AP1G2: variants seen among roughly 807,000 people sequenced by gnomAD.
AP1G2 encodes the protein adaptor related protein complex 1 subunit gamma 2.
AP1G2 carries 85 observed loss-of-function variants against 95.8 expected under a neutral mutation model. The observed-to-expected ratio is 0.89, with a 90% confidence interval of 0.74 to 1.06. The LOEUF (loss-of-function observed/expected upper bound fraction) is 1.06. Ranked by LOEUF, AP1G2 falls within the 50% of genes least tolerant of loss-of-function variation. The pLI, the probability that AP1G2 is intolerant of heterozygous loss-of-function variation, is 0.00. For missense variants in AP1G2, 967 were observed against 1,005.8 expected (o/e 0.96, Z 0.52); for synonymous variants, 378 against 400.0 (o/e 0.94, Z 0.66).
chr14:23,566,682 T>G lies in AP1G2; in HGVS notation c.209A>C (p.Glu70Ala). 1 of 1,614,094 alleles carries G rather than the reference T, an allele frequency of 6.2e-7. No homozygotes were observed. Among genetic ancestry groups the G allele is most frequent in the Non-Finnish European group, 8.5e-7 (1 of 1,179,984 alleles). ...GGAGGAGGCGATCAGTTTCAGGCAC[T>G]CCATCTATAGTGAAGGGGGCAGACC... ...LGYPAHFGQM[E>A]CLKLIASSRF... The change falls in exon 3 of 22, where the codon GAG becomes GCG. Residue 70 changes from glutamate to alanine, a missense_variant. Coordinates refer to ENST00000397120, the MANE Select transcript of AP1G2 (RefSeq NM_003917.5).
At position 23,564,238 on chromosome 14, in the gene AP1G2, GATA is replaced by G. The variant is rs1886616246; in HGVS notation, c.978-82_978-80del. On this transcript the variant is annotated intron_variant, in intron 10 of 21. Transcript: ENST00000397120. The stretch of plus-strand genomic sequence containing the variant: ...CGTCCTGTCCTGGGTATAGGGATAA[GATA>G]AGAGAGAAATGGATCAGGAGGCTCT... 8 of 1,612,880 alleles carry G rather than the reference GATA, an allele frequency of 5.0e-6. No homozygotes were observed. In the Admixed American group the frequency reaches 1.3e-4, roughly 27 times the overall value.
intron 16 of AP1G2, 98 bp downstream of exon 16, chr14:23,562,188 AGG>A (rs1885177849): frequency 1.3e-6 from 2 of 1,588,340 alleles, no homozygotes; most frequent in African/African-American, 1.3e-5. Context: ...CCTAAGGGCT[AGG>A]GGGTAGGGAG....
At chr14:23,562,924 A>C (rs1595305976) in intron 14 of AP1G2, 2 of 606,330 alleles carry the variant, frequency 3.3e-6, no homozygotes, top group Non-Finnish European at 5.0e-6. Flanking sequence ...GTGGCCAAGC[A>C]TCAGAACTAC....
rs758236692 is a variant in AP1G2 at position 23,565,629 on chromosome 14, C to T, written c.718G>A (p.Gly240Arg). The change falls in exon 7 of 22, where the codon GGA (glycine) becomes AGA (arginine). Residue 240 changes from glycine to arginine, a missense_variant. Physicochemically the swap from Gly to Arg is moderately radical, Grantham distance 125. Transcript: ENST00000397120. ...ACCTGCAGGAAGGGGTCGCTGACTC[C>T]AGATATGCTGTGTTCTGTGGAGTAT... ...MGYSTEHSISGVSDPFLQVQI... is the reference protein window; with the variant it reads ...MGYSTEHSISRVSDPFLQVQI... The T allele has an allele frequency of 6.2e-7, 1 of 1,614,008 alleles. No homozygotes were observed. The highest frequency in any genetic ancestry group is 1.3e-5 in the African/African-American group (1 of 74,918).
chr14:23,564,045 C>T lies in AP1G2; in HGVS notation c.1091+1G>A, dbSNP rs76134284. The T allele has an allele frequency of 9.5e-4, 1,527 of 1,613,916 alleles. 2 individuals are homozygous for T. The highest frequency in any genetic ancestry group is 1.2e-3 in the Non-Finnish European group (1,388 of 1,180,036). On this transcript the variant is annotated splice_donor_variant, in intron 11 of 21. Coordinates refer to ENST00000397120, the MANE Select transcript of AP1G2 (RefSeq NM_003917.5). LOFTEE classifies it high-confidence loss of function. ...CTCCTGTCCCCTCTATCACTGCTCA[C>T]CGGCTGAGGGAGGCATCAGTTTCCC... is the stretch of plus-strand genomic sequence containing the variant.
At chr14:23,560,920 G>C (rs909026714) in intron 19 of AP1G2, 1 of 248,846 alleles carries the variant, frequency 4.0e-6, no homozygotes, top group African/African-American at 2.3e-5. Context: ...TGACATTTTA[G>C]CTGAAGCCTG....
intron 19 of AP1G2, chr14:23,561,078 G>A (rs1224639340): frequency 7.8e-7 from 1 of 1,284,392 alleles, no homozygotes; most frequent in Non-Finnish European, 9.8e-7. Flanking sequence ...GAAGGGTTGG[G>A]GAGGAAGCAG....
At chr14:23,560,506 A>G (rs539809194) in intron 19 of AP1G2, 88 bp from the exon 20 acceptor site, 1 of 1,386,376 alleles carries the variant, frequency 7.2e-7, no homozygotes, top group East Asian at 2.4e-5. Context: ...GTAAACACCT[A>G]CTGGCCCTGC....
chr14:23,562,578 C>A lies in AP1G2; in HGVS notation c.1426G>T (p.Val476Leu), dbSNP rs777984139. 18 of 1,613,964 alleles carry A rather than the reference C, an allele frequency of 1.1e-5. No individual in the cohort carries two copies. The South Asian group carries it at 2.0e-4, about 18-fold the overall frequency. ...EDISQQPLVQ[V>L]AAWCIGEYGD... is the part of the protein sequence containing the mutation. ...TACTCCCCAATGCACCAGGCTGCCA[C>A]CTGCACCAGTGGTTGCTACATGGGA... Residue 476 changes from valine to leucine, a missense_variant, in exon 15 of 22, where the codon GTG (valine) becomes TTG (leucine). Physicochemically the swap from Val to Leu is conservative, Grantham distance 32 (BLOSUM62 1). Transcript: ENST00000397120.
rs1888320864 is a variant in AP1G2, at chr14:23,566,895, G to C, written c.205-209C>G. On this transcript the variant is annotated intron_variant, in intron 2 of 21. Transcript: ENST00000397120. ...AGGAGGATGGGAGCGGAGAGGAGGA[G>C]ATGCCTGCCCTAAAGGAGGCTGGCC... 3 of 891,580 alleles carry C rather than the reference G, an allele frequency of 3.4e-6. No homozygotes were observed. The East Asian group carries it at 8.0e-5, about 24-fold the overall frequency. The allele number at this position is 891,580 out of a possible 1,614,324, so 55.2% of individuals were successfully genotyped here.
Position 23,567,280 on chromosome 14 carries a change from A to C in AP1G2, c.35T>G (p.Ile12Ser), listed in dbSNP as rs1270357419. The C allele has an allele frequency of 3.7e-6, 6 of 1,613,128 alleles. No individual in the cohort carries two copies. The highest frequency in any genetic ancestry group is 5.1e-6 in the Non-Finnish European group (6 of 1,179,672). Residue 12 changes from isoleucine (I) to serine (S), a missense_variant, in exon 2 of 22, where the codon ATC becomes AGC. By Grantham distance (142) the Ile-to-Ser change is moderately radical. Coordinates refer to ENST00000397120, the MANE Select transcript of AP1G2 (RefSeq NM_003917.5). This position sits in a 1 kb window ranked among gnomAD's most constrained non-coding sequence, Gnocchi z 5.3. ...VVPSLKLQDL[I>S]EEIRGAKTQA... ...AGTCTTGGCCCCGCGAATCTCTTCG[A>C]TGAGGTCCTGAAGCTTCAGCGAAGG...
rs1233266706 is a variant in AP1G2, at chr14:23,560,008, C to T, written c.2186G>A (p.Ser729Asn). 1 of 1,611,372 alleles carries T rather than the reference C, an allele frequency of 6.2e-7. No individual in the cohort carries two copies. Among genetic ancestry groups the T allele is most frequent in the Non-Finnish European group, 8.5e-7 (1 of 1,178,482 alleles). ...KSLQLQLQAP[S>N]GNTVPARGGL... ...ACCCCGAGCTGGAACTGTGTTCCCA[C>T]TGGGGGCCTGCAGCTGCAGCTGGAG... Residue 729 changes from serine to asparagine, a missense_variant, in exon 21 of 22, where the codon AGT becomes AAT. Ser to Asn is a conservative substitution (Grantham distance 46). Transcript: ENST00000397120.
chr14:23,566,795 C>A, intron 2 of AP1G2, 109 bp from the exon 3 acceptor site: 1 of 1,436,446 alleles, frequency 7.0e-7, no homozygotes, highest in Non-Finnish European at 9.5e-7. Flanking sequence ...GGCATCATAT[C>A]TCATCACTCT....
At position 23,563,485 on chromosome 14, in the gene AP1G2, C is replaced by G. The variant is rs1268175323; in HGVS notation, c.1305G>C (p.Arg435=). 2 of 1,614,058 alleles carry G rather than the reference C, an allele frequency of 1.2e-6. No individual in the cohort carries two copies. The highest frequency in any genetic ancestry group is 1.7e-6 in the Non-Finnish European group (2 of 1,180,022). Reference sequence around the variant, plus strand: ...GGGTCAGGTTGGCCACTGCATCATCCCGCACATGGGTGCCCGCCTGGAAGG... The same window carrying G: ...GGGTCAGGTTGGCCACTGCATCATCGCGCACATGGGTGCCCGCCTGGAAGG... ...HVLTTAGTHV[R]DDAVANLTQL... is the part of the protein sequence containing the mutation. Residue 435 remains arginine (R), a synonymous_variant, in exon 14 of 22, where the codon CGG becomes CGC. Coordinates refer to ENST00000397120, the MANE Select transcript of AP1G2 (RefSeq NM_003917.5).
At chr14:23,566,521 C>A in intron 3 of AP1G2, 41 bp downstream of exon 3, 1 of 1,611,428 alleles carries the variant, frequency 6.2e-7, no homozygotes, top group Non-Finnish European at 8.5e-7. Context: ...TCCCTACTCT[C>A]CCATCTCCCT....
chr14:23,563,593 C>T lies in AP1G2; in HGVS notation c.1278G>A (p.Val426=), dbSNP rs1356633680. ...CTGGCCCCTGCCTCACCGTTGTCAGCACATGCAGGATGGTGTCTATGTGCC... is the reference window on the plus strand; with the variant it reads ...CTGGCCCCTGCCTCACCGTTGTCAGTACATGCAGGATGGTGTCTATGTGCC... ...KRWHIDTILH[V]LTTAGTHVRD... Residue 426 remains valine, a synonymous_variant, in exon 13 of 22, where the codon GTG becomes GTA. Coordinates refer to ENST00000397120, the MANE Select transcript of AP1G2 (RefSeq NM_003917.5). The T allele has an allele frequency of 6.2e-7, 1 of 1,614,110 alleles. No homozygotes were observed. The highest frequency in any genetic ancestry group is 2.2e-5 in the East Asian group (1 of 44,900).
chr14:23,561,431 C>A lies in AP1G2; in HGVS notation c.1858G>T (p.Ala620Ser). 6.2e-7 allele frequency: 1 copy of A among 1,611,120 alleles called. No individual in the cohort carries two copies. Among genetic ancestry groups the A allele is most frequent in the Non-Finnish European group, 8.5e-7 (1 of 1,177,814 alleles). Residue 620 changes from alanine (A) to serine (S), a missense_variant and splice_region_variant, in exon 19 of 22, where the codon GCC becomes TCC. Ala to Ser is a moderately conservative substitution (Grantham distance 99). Coordinates refer to ENST00000397120, the MANE Select transcript of AP1G2 (RefSeq NM_003917.5). ...EAAPVPTEPQASQLLDLLDLL... is the reference protein window; with the variant it reads ...EAAPVPTEPQSSQLLDLLDLL... ...TCTAGCAGATCCAGGAGCTGTGAGG[C>A]CTGGCAGAAGGGACAGAAGGGGCAG...
intron 2 of AP1G2, 93 bp from the exon 3 acceptor site, chr14:23,566,779 C>T (rs1888238857): frequency 2.0e-6 from 3 of 1,523,946 alleles, no homozygotes. Context: ...CCAGATTAAC[C>T]TGTGGGGCAT....
At position 23,561,148 on chromosome 14, in the gene AP1G2, C is replaced by T; in HGVS notation, c.1993+148G>A. 3 of 1,393,950 alleles carry T rather than the reference C, an allele frequency of 2.2e-6. No individual in the cohort carries two copies. In the East Asian group the frequency reaches 7.4e-5, roughly 34 times the overall value. The allele number at this position is 1,393,950 out of a possible 1,614,324, so 86.3% of individuals were successfully genotyped here. On this transcript the variant is annotated intron_variant, in intron 19 of 21. Coordinates refer to ENST00000397120, the MANE Select transcript of AP1G2 (RefSeq NM_003917.5). ...AGGGAAGACAGATGACCATGATTGA[C>T]TTCATTCTTTTACCTCCTGAGATGG... is the stretch of plus-strand genomic sequence containing the variant.
Sources: allele counts gnomAD v4.1 joint callset, GRCh38; gene constraint gnomAD v4.1.1; non-coding constraint Gnocchi (gnomAD v3.1); transcripts MANE v1.5; gene names NCBI Gene and HGNC (gene_info 2026-07-23, HGNC 2026-07-21).